SMPD3: variants seen among roughly 807,000 people sequenced by gnomAD.
SMPD3 encodes nSMase-2.
SMPD3 carries 21 observed loss-of-function variants against 55.7 expected under a neutral mutation model. That is an observed-to-expected ratio of 0.38 (90% CI 0.27 to 0.54). The LOEUF is 0.54. Ranked by LOEUF, SMPD3 falls within the 20% of genes least tolerant of loss-of-function variation. SMPD3 has a pLI of 0.80. For synonymous variants in SMPD3, 457 were observed against 404.3 expected, an observed-to-expected ratio of 1.13 and a Z score of -1.56; for missense variants, 842 against 899.6, an observed-to-expected ratio of 0.94 and a Z score of 0.82.
intron 1 of SMPD3, among the ~76,000 whole-genome samples, chr16:68,393,364 A>G (rs933810169): frequency 6.6e-6 from 1 of 152,236 alleles, no homozygotes; most frequent in African/African-American, 2.4e-5. Context: ...AGATAGCACC[A>G]CTGTACTCCA....
chr16:68,365,774 ACCT>A (rs1410533763), intron 3 of SMPD3, among the ~76,000 whole-genome samples: 1 of 151,812 alleles, frequency 6.6e-6, no homozygotes, highest in African/African-American at 2.4e-5. Flanking sequence ...CTCTGCCCCG[ACCT>A]CCTGCTTACC....
intron 3 of SMPD3, among the ~76,000 whole-genome samples, 163 bp from the exon 4 acceptor site, chr16:68,365,255 G>GCCA (rs2151975235): frequency 6.6e-6 from 1 of 152,268 alleles, no homozygotes; most frequent in African/African-American, 2.4e-5. Context: ...CTGCTTCTAG[G>GCCA]GACTTACGGA....
intron 1 of SMPD3, among the ~76,000 whole-genome samples, chr16:68,417,252 C>T (rs537071662): frequency 5.5e-4 from 84 of 152,324 alleles, no homozygotes; most frequent in Non-Finnish European, 9.7e-4. Context: ...TTTGCACCCA[C>T]AGTCTGGGTC....
At chr16:68,363,973 A>G (rs1049181923) in intron 5 of SMPD3, 107 bp from the exon 6 acceptor site, 10 of 1,041,598 alleles carry the variant, frequency 9.6e-6, no homozygotes, top group Non-Finnish European at 1.4e-5. Flanking sequence ...CCAGGCCCCC[A>G]TCCCTTAGGC....
At chr16:68,373,616 C>T (rs1330354717) in intron 2 of SMPD3, among the ~76,000 whole-genome samples, 1 of 152,200 alleles carries the variant, frequency 6.6e-6, no homozygotes, top group Non-Finnish European at 1.5e-5. Flanking sequence ...TGTCACTGGA[C>T]TCTGCCTTTC....
chr16:68,439,931 G>T (rs2090553048), intron 1 of SMPD3, among the ~76,000 whole-genome samples: 1 of 152,100 alleles, frequency 6.6e-6, no homozygotes, highest in African/African-American at 2.4e-5. Context: ...AGAACTTCAG[G>T]GTAAACATGA....
chr16:68,420,287 C>T (rs2090381586), intron 1 of SMPD3, among the ~76,000 whole-genome samples: 1 of 152,144 alleles, frequency 6.6e-6, no homozygotes, highest in Admixed American at 6.5e-5. Context: ...CCTTTCATAT[C>T]CATTTCATTT....
chr16:68,432,215 A>G lies in SMPD3; in HGVS notation c.-269+16138T>C, dbSNP rs2090486101. Among the ~76,000 whole-genome samples, 4 of 152,248 alleles carry G rather than the reference A, an allele frequency of 2.6e-5. No homozygotes were observed. The South Asian group carries it at 8.3e-4, about 31-fold the overall frequency. On this transcript the variant is annotated intron_variant, in intron 1 of 8. Transcript: ENST00000219334. Reference sequence around the variant, plus strand: ...TTCACTTTTGAAAAGAGGAGATTGCAAATTACAAAAGTTACGTGACTTGTT... The same window carrying G: ...TTCACTTTTGAAAAGAGGAGATTGCGAATTACAAAAGTTACGTGACTTGTT...
intron 1 of SMPD3, among the ~76,000 whole-genome samples, chr16:68,395,607 G>A (rs1017726652): frequency 8.5e-5 from 13 of 152,162 alleles, no homozygotes; most frequent in East Asian, 3.9e-4. Context: ...GCCTGTGGCC[G>A]CCCTAGCCTG....
intron 1 of SMPD3, among the ~76,000 whole-genome samples, chr16:68,413,750 G>A (rs1057028433): frequency 6.6e-6 from 1 of 152,170 alleles, no homozygotes; most frequent in South Asian, 2.1e-4. Flanking sequence ...CTGTTTGTAG[G>A]TTCAAGGACA....
chr16:68,371,987 G>A lies in SMPD3; in HGVS notation c.195C>T (p.Pro65=), dbSNP rs2089683765. ...AGGCCACCAGGAGGGCCAGGTAGAT[G>A]GGCGTGAAGAGGGCAGTGCAGAGCA... ...LQLLCTALFT[P]IYLALLVASL... The change falls in exon 3 of 9, where the codon CCC becomes CCT. Residue 65 remains proline (P), a synonymous_variant. Coordinates refer to ENST00000219334, the MANE Select transcript of SMPD3 (RefSeq NM_018667.4). 1 of 1,612,120 alleles carries A rather than the reference G, an allele frequency of 6.2e-7. No homozygotes were observed. Among genetic ancestry groups the A allele is most frequent in the African/African-American group, 1.3e-5 (1 of 74,946 alleles).
At chr16:68,413,888 C>T (rs964654635) in intron 1 of SMPD3, among the ~76,000 whole-genome samples, 6 of 152,156 alleles carry the variant, frequency 3.9e-5, no homozygotes, top group Non-Finnish European at 5.9e-5. Flanking sequence ...CTGGTGCTCT[C>T]CTGAAGGGCC....
chr16:68,406,843 AC>A (rs1413306940), intron 1 of SMPD3, among the ~76,000 whole-genome samples: 4 of 152,360 alleles, frequency 2.6e-5, no homozygotes, highest in Middle Eastern at 3.4e-3. Flanking sequence ...TGGAGGAGAC[AC>A]GGCCACAGAC....
At chr16:68,363,288 T>A (rs2089370012) in intron 7 of SMPD3, among the ~76,000 whole-genome samples, 1 of 152,164 alleles carries the variant, frequency 6.6e-6, no homozygotes, top group African/African-American at 2.4e-5. Flanking sequence ...GCAAGGCCAG[T>A]ACCCCTGGGC....
chr16:68,428,429 T>C (rs945233101), intron 1 of SMPD3, among the ~76,000 whole-genome samples: 1 of 152,186 alleles, frequency 6.6e-6, no homozygotes, highest in Non-Finnish European at 1.5e-5. Context: ...TCCTGCCCCA[T>C]TCTGCAGATT....
intron 1 of SMPD3, among the ~76,000 whole-genome samples, chr16:68,387,308 C>A (rs1301872012): frequency 1.3e-5 from 2 of 152,120 alleles, no homozygotes; most frequent in African/African-American, 2.4e-5. Context: ...CCAGCGGGGT[C>A]TTTGGAGGAG....
At chr16:68,418,920 G>T (rs2090362109) in intron 1 of SMPD3, among the ~76,000 whole-genome samples, 1 of 152,196 alleles carries the variant, frequency 6.6e-6, no homozygotes, top group South Asian at 2.1e-4. Context: ...GAATGGGTCT[G>T]CTAGATGTAT....
At chr16:68,391,097 T>G (rs2090107239) in intron 1 of SMPD3, among the ~76,000 whole-genome samples, 1 of 152,196 alleles carries the variant, frequency 6.6e-6, no homozygotes, top group South Asian at 2.1e-4. Context: ...ATTCTGCCCT[T>G]AAAAGTGCAA....
At position 68,390,271 on chromosome 16, in the gene SMPD3, G is replaced by C. The variant is rs548576183; in HGVS notation, c.-268-3612C>G. Among the ~76,000 whole-genome samples the C allele has an allele frequency of 2.0e-4, 31 of 152,360 alleles. No individual in the cohort carries two copies. The South Asian group carries it at 3.1e-3, about 15-fold the overall frequency. ...TTTGTTCACCATCTTGCTTTTGGCA[G>C]GTTTTGGCTAGCTTCTTTACTGCAT... is the stretch of plus-strand genomic sequence containing the variant. On this transcript the variant is annotated intron_variant, in intron 1 of 8. Coordinates refer to ENST00000219334, the MANE Select transcript of SMPD3 (RefSeq NM_018667.4).
Sources: allele counts gnomAD v4.1 joint callset (sites outside exome capture counted in the v4.1 genomes callset), GRCh38; gene constraint gnomAD v4.1.1; transcripts MANE v1.5; gene names NCBI Gene and HGNC (gene_info 2026-07-23, HGNC 2026-07-21).